Variants in TMEM132C observed in about 807,000 individuals in gnomAD.
The protein encoded by TMEM132C is transmembrane protein 132C.
TMEM132C carries 29 observed loss-of-function variants against 61.4 expected under a neutral mutation model. The observed-to-expected ratio is 0.47, with a 90% confidence interval of 0.35 to 0.64. TMEM132C has a LOEUF of 0.64. Ranked by LOEUF, TMEM132C falls within the 30% of genes least tolerant of loss-of-function variation. The pLI, the probability that TMEM132C is intolerant of heterozygous loss-of-function variation, is 0.00. For missense variants in TMEM132C, 1,408 were observed against 1,476.9 expected, an observed-to-expected ratio of 0.95 and a Z score of 0.76; for synonymous variants, 656 against 633.1, an observed-to-expected ratio of 1.04 and a Z score of -0.54.
Position 128,641,138 on chromosome 12 carries a change from G to A in TMEM132C, c.1305+24803G>A, listed in dbSNP as rs188793206. 5.9e-5 allele frequency among the ~76,000 whole-genome samples: 9 copies of A among 152,134 alleles called. No homozygotes were observed. In the East Asian group the frequency reaches 7.7e-4, roughly 13 times the overall value. The stretch of plus-strand genomic sequence containing the variant: ...TCAGATCTGGGTCCTGACACTAGAC[G>A]GTGCCCCCTTCACACAACTCCCCAG... On this transcript the variant is annotated intron_variant, in intron 4 of 8. Transcript: ENST00000435159.
intron 2 of TMEM132C, among the ~76,000 whole-genome samples, chr12:128,479,636 C>T (rs1257461972): frequency 6.6e-6 from 1 of 152,178 alleles, no homozygotes; most frequent in African/African-American, 2.4e-5. Flanking sequence ...TGAGCAGTTG[C>T]AAGAGACTGC....
At chr12:128,304,478 G>A (rs879271478) in intron 1 of TMEM132C, among the ~76,000 whole-genome samples, 8 of 152,102 alleles carry the variant, frequency 5.3e-5, no homozygotes, top group Admixed American at 2.0e-4. Context: ...GCATGGTGGC[G>A]GGCACCTGTA....
intron 1 of TMEM132C, among the ~76,000 whole-genome samples, chr12:128,338,932 C>G (rs767832539): frequency 6.6e-6 from 1 of 151,872 alleles, no homozygotes; most frequent in African/African-American, 2.4e-5. Flanking sequence ...TTTGTAAAGA[C>G]GTTGGGTTGG....
intron 2 of TMEM132C, among the ~76,000 whole-genome samples, chr12:128,443,162 C>G (rs1593055039): frequency 1.3e-5 from 2 of 150,246 alleles, no homozygotes; most frequent in African/African-American, 2.5e-5. Flanking sequence ...GAGAGAGAGA[C>G]AGAGAAGCAA....
At chr12:128,472,642 G>A (rs539325349) in intron 2 of TMEM132C, among the ~76,000 whole-genome samples, 1 of 152,218 alleles carries the variant, frequency 6.6e-6, no homozygotes, top group Non-Finnish European at 1.5e-5. Context: ...TCCAAGGGGA[G>A]ATAATATCCC....
At chr12:128,696,217 G>A (rs1311926969) in intron 7 of TMEM132C, 114 bp downstream of exon 7, 5 of 1,379,994 alleles carry the variant, frequency 3.6e-6, no homozygotes, top group Non-Finnish European at 4.9e-6. Context: ...GTGTATCATG[G>A]GAACACAGGA....
At chr12:128,346,252 A>G (rs1008725809) in intron 1 of TMEM132C, among the ~76,000 whole-genome samples, 5 of 151,834 alleles carry the variant, frequency 3.3e-5, no homozygotes, top group African/African-American at 1.2e-4. Flanking sequence ...ATTCTCTTCC[A>G]TTGGTCTATA....
chr12:128,558,747 C>T (rs574238672), intron 3 of TMEM132C, among the ~76,000 whole-genome samples: 1 of 152,352 alleles, frequency 6.6e-6, no homozygotes, highest in Admixed American at 6.5e-5. Context: ...CTCCCACCCT[C>T]AGGGCAACCT....
chr12:128,313,339 G>A (rs1872038554), intron 1 of TMEM132C, among the ~76,000 whole-genome samples: 5 of 152,234 alleles, frequency 3.3e-5, no homozygotes, highest in Admixed American at 3.3e-4. Context: ...ACTCAGTGAT[G>A]TGAAATGGCA....
chr12:128,452,853 G>A (rs1469615548), intron 2 of TMEM132C, among the ~76,000 whole-genome samples: 1 of 152,148 alleles, frequency 6.6e-6, no homozygotes, highest in East Asian at 1.9e-4. Context: ...TGTATCGTTA[G>A]GGTGGACTTT....
chr12:128,565,155 A>G (rs1874652258), intron 3 of TMEM132C, among the ~76,000 whole-genome samples: 1 of 152,200 alleles, frequency 6.6e-6, no homozygotes, highest in Non-Finnish European at 1.5e-5. Flanking sequence ...CAGAGAACTG[A>G]AGGTGGTCTG....
chr12:128,490,200 A>T (rs1165879421), intron 2 of TMEM132C, among the ~76,000 whole-genome samples: 1 of 152,096 alleles, frequency 6.6e-6, no homozygotes, highest in Non-Finnish European at 1.5e-5. Flanking sequence ...TGTGAAAGAG[A>T]CTGGGTTTTG....
intron 1 of TMEM132C, among the ~76,000 whole-genome samples, chr12:128,330,624 G>A (rs189059544): frequency 1.3e-5 from 2 of 152,182 alleles, no homozygotes; most frequent in East Asian, 1.9e-4. Context: ...TCATTTTATA[G>A]ATCATCTTCT....
intron 1 of TMEM132C, among the ~76,000 whole-genome samples, chr12:128,368,965 A>T (rs1320872357): frequency 6.6e-6 from 1 of 152,148 alleles, no homozygotes; most frequent in East Asian, 1.9e-4. Context: ...TACTCCAGGG[A>T]TGTGCTTTGC....
chr12:128,643,318 C>A (rs1954171806), intron 4 of TMEM132C, among the ~76,000 whole-genome samples: 1 of 152,170 alleles, frequency 6.6e-6, no homozygotes, highest in Non-Finnish European at 1.5e-5. Flanking sequence ...AAGAGATCAA[C>A]CCAGGGCCGC....
chr12:128,671,154 C>T (rs1217817363), intron 5 of TMEM132C, among the ~76,000 whole-genome samples: 2 of 152,110 alleles, frequency 1.3e-5, no homozygotes, highest in Non-Finnish European at 2.9e-5. Context: ...TTCCATTTTG[C>T]CTGTAGCTGC....
At chr12:128,686,044 C>T (rs940878719) in intron 5 of TMEM132C, among the ~76,000 whole-genome samples, 15 of 144,286 alleles carry the variant, frequency 1.0e-4, no homozygotes, top group Admixed American at 4.1e-4. Flanking sequence ...TGTATTCGCG[C>T]GTGTGTGCAT....
intron 1 of TMEM132C, among the ~76,000 whole-genome samples, chr12:128,360,944 C>CTG (rs1873690327): frequency 6.6e-6 from 1 of 152,162 alleles, no homozygotes; most frequent in African/African-American, 2.4e-5. Flanking sequence ...TGTCTCCATG[C>CTG]TGACCATATT....
chr12:128,525,806 G>T (rs1483602976), intron 2 of TMEM132C, among the ~76,000 whole-genome samples: 4 of 152,250 alleles, frequency 2.6e-5, no homozygotes, highest in African/African-American at 9.6e-5. Flanking sequence ...CCTGCCTTGG[G>T]TGCAGCAGTG....
Sources: allele counts gnomAD v4.1 joint callset (sites outside exome capture counted in the v4.1 genomes callset), GRCh38; gene constraint gnomAD v4.1.1; transcripts MANE v1.5; gene names NCBI Gene and HGNC (gene_info 2026-07-23, HGNC 2026-07-21).